Variants in SPMIP2 observed in about 807,000 individuals in gnomAD.
The protein encoded by SPMIP2 is protein SPMIP2.
the SPMIP2 span, among the ~76,000 whole-genome samples, chr4:158,970,632 C>G: frequency 6.6e-6 from 1 of 151,828 alleles, no homozygotes; most frequent in Non-Finnish European, 1.5e-5. Context: ...ATGAGTAGAC[C>G]CAGTGACAAA....
At chr4:158,980,438 C>T in the SPMIP2 span, among the ~76,000 whole-genome samples, 1,607 of 152,320 alleles carry the variant, frequency 0.011, 15 homozygotes, top group Middle Eastern at 0.048. Flanking sequence ...TGTTGACAGA[C>T]ACCTTGTAGA....
chr4:158,918,781 G>C, the SPMIP2 span, among the ~76,000 whole-genome samples: 1 of 152,174 alleles, frequency 6.6e-6, no homozygotes, highest in African/African-American at 2.4e-5. Flanking sequence ...GGGACCCAAA[G>C]TCTAAAGAGA....
the SPMIP2 span, chr4:158,960,471 TAAAAG>T: frequency 1.8e-6 from 1 of 563,092 alleles, no homozygotes; most frequent in South Asian, 2.6e-5. Context: ...TAAATTCAGT[TAAAAG>T]AAGATCAGAG....
chr4:159,052,209 C>CT, the SPMIP2 span, among the ~76,000 whole-genome samples: 3 of 151,970 alleles, frequency 2.0e-5, no homozygotes, highest in Non-Finnish European at 4.4e-5. Flanking sequence ...GTTTTGATTT[C>CT]TTTTTTTTCC....
the SPMIP2 span, among the ~76,000 whole-genome samples, chr4:158,917,775 G>A: frequency 1.1e-4 from 14 of 122,714 alleles, no homozygotes; most frequent in Admixed American, 3.2e-4. Context: ...AGGTTGGAGT[G>A]CAATGGCGTG....
chr4:158,986,729 T>C, the SPMIP2 span, among the ~76,000 whole-genome samples: 40 of 152,274 alleles, frequency 2.6e-4, no homozygotes, highest in Admixed American at 4.6e-4. Flanking sequence ...GGGCAAGGAC[T>C]TCATGTCTAA....
the SPMIP2 span, among the ~76,000 whole-genome samples, chr4:158,917,420 A>T: frequency 2.8e-4 from 41 of 147,346 alleles, no homozygotes; most frequent in Admixed American, 1.3e-3. Flanking sequence ...GAGCAGGGGG[A>T]AAAAAAAAAG....
chr4:158,993,127 A>T, the SPMIP2 span, among the ~76,000 whole-genome samples: 2 of 152,112 alleles, frequency 1.3e-5, no homozygotes, highest in African/African-American at 4.8e-5. Context: ...ATGGAAGGCT[A>T]AGAAGGGAGG....
At chr4:159,010,195 T>A in the SPMIP2 span, among the ~76,000 whole-genome samples, 5 of 152,152 alleles carry the variant, frequency 3.3e-5, no homozygotes, top group Non-Finnish European at 2.9e-5. Context: ...AGTTATACTG[T>A]ACACAGTATT....
chr4:159,069,358 C>T, the SPMIP2 span, among the ~76,000 whole-genome samples: 1 of 152,126 alleles, frequency 6.6e-6, no homozygotes, highest in East Asian at 1.9e-4. Context: ...TTCACTTTCT[C>T]TTAAAAATGC....
the SPMIP2 span, among the ~76,000 whole-genome samples, chr4:159,011,488 C>T: frequency 9.2e-5 from 14 of 152,124 alleles, no homozygotes; most frequent in South Asian, 4.2e-4. Flanking sequence ...CGGTGGCTCA[C>T]GCCTGTAATC....
chr4:158,966,643 T>C, the SPMIP2 span, among the ~76,000 whole-genome samples: 1 of 152,210 alleles, frequency 6.6e-6, no homozygotes, highest in Admixed American at 6.5e-5. Context: ...AGAAGCTAAA[T>C]TTTTTTAAAA....
the SPMIP2 span, among the ~76,000 whole-genome samples, chr4:158,944,308 T>C: frequency 1.3e-5 from 2 of 152,062 alleles, no homozygotes; most frequent in Admixed American, 1.3e-4. Context: ...CAAGTCTCTG[T>C]CTTGGTGAGA....
the SPMIP2 span, among the ~76,000 whole-genome samples, chr4:159,017,492 G>A: frequency 2.6e-5 from 4 of 151,902 alleles, no homozygotes; most frequent in African/African-American, 9.7e-5. Flanking sequence ...GCCCAAGCTA[G>A]AGTGCAGTGG....
chr4:159,057,911 C>T, the SPMIP2 span, among the ~76,000 whole-genome samples: 2 of 152,192 alleles, frequency 1.3e-5, no homozygotes, highest in Non-Finnish European at 2.9e-5. Context: ...GTAGCCCAGG[C>T]TGGAGTGCAG....
chr4:158,957,813 CCTT>C, the SPMIP2 span, among the ~76,000 whole-genome samples: 4 of 152,206 alleles, frequency 2.6e-5, no homozygotes, highest in Non-Finnish European at 5.9e-5. Context: ...CCTGGGAAAA[CCTT>C]CTCTTTACAT....
chr4:159,014,552 G>A, the SPMIP2 span, among the ~76,000 whole-genome samples: 17 of 152,090 alleles, frequency 1.1e-4, no homozygotes, highest in Non-Finnish European at 7.4e-5. Context: ...GGGTACATGT[G>A]CACATTGTGC....
the SPMIP2 span, among the ~76,000 whole-genome samples, chr4:158,963,788 T>C: frequency 1.3e-5 from 2 of 152,164 alleles, no homozygotes; most frequent in Non-Finnish European, 2.9e-5. Context: ...TAAAAAGATC[T>C]AGGCTCTCCT....
chr4:158,934,671 C>G, the SPMIP2 span, among the ~76,000 whole-genome samples: 1 of 152,128 alleles, frequency 6.6e-6, no homozygotes, highest in Non-Finnish European at 1.5e-5. Context: ...CCTCAAAATA[C>G]TCTCTCCTTC....
Sources: allele counts gnomAD v4.1 joint callset (sites outside exome capture counted in the v4.1 genomes callset), GRCh38; gene constraint gnomAD v4.1.1; transcripts MANE v1.5; gene names NCBI Gene and HGNC (gene_info 2026-07-23, HGNC 2026-07-21).